Variants in DPP10 observed in about 807,000 individuals in gnomAD.
DPP10 encodes inactive dipeptidyl peptidase 10.
A neutral mutation model predicts 120.9 loss-of-function variants in DPP10; 33 were observed. The ratio of observed to expected loss-of-function variants is 0.27; its 90% CI spans 0.21 to 0.37. The LOEUF (loss-of-function observed/expected upper bound fraction) is 0.37. Among genes scored for constraint, DPP10 ranks in the 10% least tolerant of loss-of-function variants. The pLI is 1.00. For synonymous variants in DPP10, 337 were observed against 326.1 expected, an observed-to-expected ratio of 1.03 and a Z score of -0.36; for missense variants, 816 against 942.8, an observed-to-expected ratio of 0.87 and a Z score of 1.76.
chr2:114,980,333 G>A (rs1700003193), intron 1 of DPP10, among the ~76,000 whole-genome samples: 1 of 152,154 alleles, frequency 6.6e-6, no homozygotes, highest in East Asian at 1.9e-4. Context: ...ATCTTTATAT[G>A]AGTAACTATG....
At chr2:114,818,686 G>A (rs1685839729) in intron 1 of DPP10, among the ~76,000 whole-genome samples, 1 of 152,012 alleles carries the variant, frequency 6.6e-6, no homozygotes, top group South Asian at 2.1e-4. Flanking sequence ...AATAATTTCA[G>A]TCGGTGTCGC....
intron 5 of DPP10, among the ~76,000 whole-genome samples, chr2:115,592,128 C>T (rs2082700139): frequency 6.6e-6 from 1 of 152,046 alleles, no homozygotes; most frequent in South Asian, 2.1e-4. Context: ...AAAAGATGTA[C>T]AAATTTATTT....
intron 5 of DPP10, among the ~76,000 whole-genome samples, chr2:115,555,699 G>A (rs972060179): frequency 6.6e-5 from 10 of 152,032 alleles, no homozygotes; most frequent in Non-Finnish European, 1.5e-4. Flanking sequence ...GTATATTTTG[G>A]TGTGGCATAT....
At chr2:115,820,872 G>A (rs887515767) in intron 21 of DPP10, among the ~76,000 whole-genome samples, 1 of 150,216 alleles carries the variant, frequency 6.7e-6, no homozygotes, top group Non-Finnish European at 1.5e-5. Flanking sequence ...TTGATTGATG[G>A]GCATGTGGGC....
chr2:114,599,331 G>A (rs140007030), intron 1 of DPP10, among the ~76,000 whole-genome samples: 87 of 151,808 alleles, frequency 5.7e-4, no homozygotes, highest in African/African-American at 1.9e-3. Context: ...AACCTTTGAG[G>A]CTATATTCTA....
At chr2:115,385,243 G>C (rs986180918) in intron 3 of DPP10, among the ~76,000 whole-genome samples, 9 of 152,252 alleles carry the variant, frequency 5.9e-5, no homozygotes, top group Non-Finnish European at 1.3e-4. Context: ...GGAGGAAGGA[G>C]TGCTATACAG....
chr2:115,251,624 G>T (rs891591795), intron 1 of DPP10, among the ~76,000 whole-genome samples: 2 of 152,146 alleles, frequency 1.3e-5, no homozygotes, highest in African/African-American at 4.8e-5. Context: ...ATTAGGAAAA[G>T]TAAGAGAATG....
chr2:115,593,256 T>A (rs1259395641), intron 5 of DPP10, among the ~76,000 whole-genome samples: 1 of 152,200 alleles, frequency 6.6e-6, no homozygotes, highest in African/African-American at 2.4e-5. Flanking sequence ...AAAGCATTTC[T>A]ATGGAAACAG....
At chr2:114,864,973 T>A (rs1341901243) in intron 1 of DPP10, among the ~76,000 whole-genome samples, 1 of 152,180 alleles carries the variant, frequency 6.6e-6, no homozygotes, top group East Asian at 1.9e-4. Context: ...ATAGGACAGG[T>A]CATTCTAGCA....
intron 7 of DPP10, among the ~76,000 whole-genome samples, chr2:115,691,165 ATTGT>A (rs2091294250): frequency 6.6e-6 from 1 of 151,764 alleles, no homozygotes. Flanking sequence ...ATATTAATAC[ATTGT>A]TTGGTCTATC....
chr2:115,387,493 T>C (rs904418244), intron 3 of DPP10, among the ~76,000 whole-genome samples: 2 of 152,186 alleles, frequency 1.3e-5, no homozygotes, highest in East Asian at 1.9e-4. Context: ...AGGATTTCCT[T>C]TGAACTCTGT....
intron 1 of DPP10, among the ~76,000 whole-genome samples, chr2:114,735,131 A>G (rs945729268): frequency 2.0e-5 from 3 of 152,200 alleles, no homozygotes; most frequent in Non-Finnish European, 2.9e-5. Flanking sequence ...GTCAAATTCT[A>G]AAGCACTAGG....
At chr2:115,763,652 G>C (rs983254421) in intron 12 of DPP10, among the ~76,000 whole-genome samples, 2 of 152,096 alleles carry the variant, frequency 1.3e-5, no homozygotes, top group Non-Finnish European at 2.9e-5. Flanking sequence ...GATCCAGCAA[G>C]TCTCAACCCC....
intron 1 of DPP10, among the ~76,000 whole-genome samples, chr2:115,059,075 T>G (rs1392864717): frequency 6.6e-6 from 1 of 151,966 alleles, no homozygotes; most frequent in East Asian, 1.9e-4. Flanking sequence ...GTCATTCCGC[T>G]GAGGGTTCCA....
At chr2:114,842,365 G>C (rs1366115697) in intron 1 of DPP10, among the ~76,000 whole-genome samples, 7 of 152,112 alleles carry the variant, frequency 4.6e-5, no homozygotes, top group Non-Finnish European at 7.4e-5. Context: ...GAATATGCTG[G>C]AATGAAATTC....
intron 1 of DPP10, among the ~76,000 whole-genome samples, chr2:114,897,382 A>G (rs549542271): frequency 2.0e-5 from 3 of 152,154 alleles, no homozygotes; most frequent in South Asian, 2.1e-4. Flanking sequence ...TTAGACTAAA[A>G]CCATAAAAAC....
At chr2:114,909,707 A>G (rs1694222881) in intron 1 of DPP10, among the ~76,000 whole-genome samples, 1 of 152,094 alleles carries the variant, frequency 6.6e-6, no homozygotes, top group Non-Finnish European at 1.5e-5. Flanking sequence ...TAGAAAAAAG[A>G]AAACAACTGA....
chr2:115,786,414 A>G (rs1683350621), intron 17 of DPP10, among the ~76,000 whole-genome samples: 1 of 152,148 alleles, frequency 6.6e-6, no homozygotes, highest in African/African-American at 2.4e-5. Context: ...ATTCAATCAT[A>G]TTTGTTCAAT....
At chr2:114,519,784 C>T (rs1684900719) in intron 1 of DPP10, among the ~76,000 whole-genome samples, 1 of 152,290 alleles carries the variant, frequency 6.6e-6, no homozygotes, top group Non-Finnish European at 1.5e-5. Flanking sequence ...TACTTATTTA[C>T]AAATTTATTG....
Sources: allele counts gnomAD v4.1 joint callset (sites outside exome capture counted in the v4.1 genomes callset), GRCh38; gene constraint gnomAD v4.1.1; transcripts MANE v1.5; gene names NCBI Gene and HGNC (gene_info 2026-07-23, HGNC 2026-07-21).